The following CROCC2 variants were observed in gnomAD, a reference collection of about 807,000 sequenced individuals.
CROCC2 encodes the protein ciliary rootlet coiled-coil protein 2.
CROCC2 carries 163 observed loss-of-function variants against 177.6 expected under a neutral mutation model. That is an observed-to-expected ratio of 0.92 (90% confidence interval 0.81 to 1.05). CROCC2 has a LOEUF of 1.05. CROCC2 is among the 50% of genes least tolerant of loss of function. The pLI, the probability that CROCC2 is intolerant of heterozygous loss-of-function variation, is 0.00. For synonymous variants in CROCC2, 904 were observed against 787.3 expected (o/e 1.15, Z -2.48); for missense variants, 1,929 against 1,797.8 (o/e 1.07, Z -1.32).
chr2:240,943,736 T>TC (rs2059507006), intron 14 of CROCC2, among the ~76,000 whole-genome samples: 1 of 152,128 alleles, frequency 6.6e-6, no homozygotes, highest in African/African-American at 2.4e-5. Context: ...CACCTCGGCC[T>TC]CCCTAAGTGC....
chr2:240,941,462 GT>G (rs2059494188), intron 14 of CROCC2, among the ~76,000 whole-genome samples: 2 of 152,224 alleles, frequency 1.3e-5, no homozygotes, highest in South Asian at 4.1e-4. Flanking sequence ...AAACAGCATG[GT>G]ACTGGTATAA....
chr2:240,921,786 G>A (rs2059358830), intron 3 of CROCC2, among the ~76,000 whole-genome samples: 1 of 152,240 alleles, frequency 6.6e-6, no homozygotes, highest in Admixed American at 6.5e-5. Flanking sequence ...TGGCTGAGGA[G>A]GGGCCCCTTG....
intron 12 of CROCC2, 143 bp from the exon 13 acceptor site, chr2:240,934,773 C>A: frequency 1.1e-6 from 1 of 912,986 alleles, no homozygotes; most frequent in Non-Finnish European, 1.6e-6. Context: ...GAGACCTCCC[C>A]ACTGTGGCGA....
Position 240,934,919 on chromosome 2 carries a change from G to A in CROCC2, c.1795G>A (p.Glu599Lys), listed in dbSNP as rs969558974. 38 of 1,512,220 alleles carry A rather than the reference G, an allele frequency of 2.5e-5. No individual in the cohort carries two copies. The highest frequency in any genetic ancestry group is 1.3e-4 in the South Asian group (10 of 79,168). 93.7% of individuals were successfully genotyped at this position (1,512,220 alleles called of 1,614,324 possible). ...GGCATCCCCCTCCCTGCCCCAGGCC[G>A]AGTGCAGCAATGCGGACCTGGAGCT... ...EGLRSALARA[E>K]CSNADLELLV... The change falls in exon 13 of 32, where the codon GAG (glutamate) becomes AAG (lysine). Residue 599 changes from glutamate (E) to lysine (K), a missense_variant. By Grantham distance (56) the Glu-to-Lys change is moderately conservative. Coordinates refer to ENST00000690015, the MANE Select transcript of CROCC2 (RefSeq NM_001351305.2).
chr2:240,975,709 A>C (rs10933525), intron 27 of CROCC2, among the ~76,000 whole-genome samples: 1 of 145,300 alleles, frequency 6.9e-6, no homozygotes, highest in Non-Finnish European at 1.5e-5. Context: ...TCCAGCATCC[A>C]ACCAGCCTGC....
At position 240,932,802 on chromosome 2, in the gene CROCC2, C is replaced by T. The variant is rs1404796046; in HGVS notation, c.1145C>T (p.Ser382Phe). 1 of 1,496,118 alleles carries T rather than the reference C, an allele frequency of 6.7e-7. No individual in the cohort carries two copies. The highest frequency in any genetic ancestry group is 2.5e-5 in the East Asian group (1 of 40,640). The allele number at this position is 1,496,118 out of a possible 1,614,324, so 92.7% of individuals were successfully genotyped here. ...RPLRSPQRAT[S>F]PHQGASPPHI... ...CTGAGGAGCCCCCAACGTGCCACAT[C>T]CCCCCATCAAGGGGCGTCCCCACCA... Residue 382 changes from serine (S) to phenylalanine (F), a missense_variant, in exon 9 of 32, where the codon TCC (serine) becomes TTC (phenylalanine). Ser to Phe is a radical substitution (Grantham distance 155). Around this residue, in one of 3 missense-constraint regions of CROCC2, gnomAD observed 1,397 missense variants for 1,239.9 expected, o/e 1.13. Coordinates refer to ENST00000690015, the MANE Select transcript of CROCC2 (RefSeq NM_001351305.2).
rs527744774 is a variant in CROCC2 at position 240,949,982 on chromosome 2, G to A, written c.2652+280G>A. 6.6e-6 allele frequency among the ~76,000 whole-genome samples: 1 copy of A among 152,144 alleles called. No individual in the cohort carries two copies. Among genetic ancestry groups the A allele is most frequent in the Non-Finnish European group, 1.5e-5 (1 of 68,018 alleles). The stretch of plus-strand genomic sequence containing the variant: ...GCTGGTCTGGTGCAGTCTGAAGGAT[G>A]AGGGCTGGAGGGGGCCCCACACCCA... On this transcript the variant is annotated intron_variant, in intron 17 of 31. Coordinates refer to ENST00000690015, the MANE Select transcript of CROCC2 (RefSeq NM_001351305.2). The surrounding 1 kb of genome is among the most constrained non-coding windows in gnomAD (Gnocchi z 4.5).
chr2:240,934,830 G>T, intron 12 of CROCC2, 86 bp from the exon 13 acceptor site: 2 of 1,358,938 alleles, frequency 1.5e-6, no homozygotes, highest in Non-Finnish European at 1.9e-6. Context: ...ACACCTCCGT[G>T]GCTCAGGGCT....
At position 240,934,371 on chromosome 2, in the gene CROCC2, C is replaced by T; in HGVS notation, c.1687C>T (p.Leu563Phe). The T allele has an allele frequency of 3.2e-6, 5 of 1,548,822 alleles. No homozygotes were observed. Among genetic ancestry groups the T allele is most frequent in the Non-Finnish European group, 3.5e-6 (4 of 1,146,924 alleles). ...GCAGCTGGAGGAGAAGGTCTCCGGGCTCAGAGAGGAGCTGGCATCGGTCCG... is the reference window on the plus strand; with the variant it reads ...GCAGCTGGAGGAGAAGGTCTCCGGGTTCAGAGAGGAGCTGGCATCGGTCCG... ...LQQLEEKVSG[L>F]REELASVREA... The change falls in exon 12 of 32, where the codon CTC becomes TTC. Residue 563 changes from leucine (L) to phenylalanine (F), a missense_variant. This residue lies in a region of CROCC2 where 1,397 missense variants were observed against 1,239.9 expected (regional missense o/e 1.13). Coordinates refer to ENST00000690015, the MANE Select transcript of CROCC2 (RefSeq NM_001351305.2).
rs1226109574 is a variant in CROCC2, at chr2:240,949,681, G to A, written c.2631G>A (p.Leu877=). ...ESQALAHREA[L]AQLQREKETL... ...AGGCGTTGGCCCACCGAGAGGCCCTGGCACAGCTCCAAAGGGAGAAGGTCT... is the reference window on the plus strand; with the variant it reads ...AGGCGTTGGCCCACCGAGAGGCCCTAGCACAGCTCCAAAGGGAGAAGGTCT... The change falls in exon 17 of 32, where the codon CTG becomes CTA. Residue 877 remains leucine, a synonymous_variant. Transcript: ENST00000690015. This position sits in a 1 kb window ranked among gnomAD's most constrained non-coding sequence, Gnocchi z 4.5. 2 of 1,548,042 alleles carry A rather than the reference G, an allele frequency of 1.3e-6. No homozygotes were observed. Among genetic ancestry groups the A allele is most frequent in the Admixed American group, 2.0e-5 (1 of 50,898 alleles).
At chr2:240,907,843 G>GGGGTGAGCTCTACCTCCTCCACCTC in intron 1 of CROCC2, among the ~76,000 whole-genome samples, 4 of 90,280 alleles carry the variant, frequency 4.4e-5, no homozygotes, top group Admixed American at 1.1e-4. Flanking sequence ...TCCTCCACCT[G>GGGGTGAGCTCTACCTCCTCCACCTC]GGGTGAGCTC....
At chr2:240,934,771 C>T in intron 12 of CROCC2, 145 bp from the exon 13 acceptor site, 1 of 900,984 alleles carries the variant, frequency 1.1e-6, no homozygotes, top group Non-Finnish European at 1.6e-6. Flanking sequence ...CTGAGACCTC[C>T]CCACTGTGGC....
Position 240,968,225 on chromosome 2 carries a change from G to C in CROCC2, c.4364G>C (p.Ser1455Thr), listed in dbSNP as rs1418619394. 13 of 1,533,096 alleles carry C rather than the reference G, an allele frequency of 8.5e-6. No homozygotes were observed. The South Asian group carries it at 1.6e-4, about 18-fold the overall frequency. 95.0% of individuals were successfully genotyped at this position (1,533,096 alleles called of 1,614,324 possible). A position where few individuals can be genotyped will look rare whatever the true frequency, so the allele number is the denominator to read the frequency against. ...AGGCTGGAGTTGGAGCACCTGGCGA[G>C]CGTGCGTGCGGCAGGCCAGGAGAAG... ...LRRLELEHLA[S>T]VRAAGQEKRR... Residue 1455 changes from serine (S) to threonine (T), a missense_variant, in exon 27 of 32, where the codon AGC becomes ACC. Physicochemically the swap from Ser to Thr is moderately conservative, Grantham distance 58. Transcript: ENST00000690015.
intron 27 of CROCC2, among the ~76,000 whole-genome samples, chr2:240,971,361 T>C (rs187763929): frequency 1.2e-4 from 18 of 152,290 alleles, no homozygotes; most frequent in Admixed American, 6.5e-4. Context: ...CCGAGCAACA[T>C]GTTACCAGCT....
At chr2:240,930,892 G>T in intron 6 of CROCC2, 39 bp from the exon 7 acceptor site, 2 of 671,120 alleles carry the variant, frequency 3.0e-6, no homozygotes, top group Non-Finnish European at 2.8e-6. Flanking sequence ...TCTGCAGATG[G>T]GTCCTGAGTC....
rs747367687 is a variant in CROCC2 at position 240,920,119 on chromosome 2, T to C, written c.366T>C (p.Arg122=). 1 of 695,840 alleles carries C rather than the reference T, an allele frequency of 1.4e-6. No homozygotes were observed. The allele number at this position is 695,840 out of a possible 1,614,324, so 43.1% of individuals were successfully genotyped here. Residue 122 remains arginine, a synonymous_variant, in exon 3 of 32, where the codon CGT becomes CGC. Coordinates refer to ENST00000690015, the MANE Select transcript of CROCC2 (RefSeq NM_001351305.2). The part of the protein sequence containing the change: ...AERDELASRC[R]VVSEQLQARL... ...GAGATGAGCTGGCCAGCAGGTGCCG[T>C]GTGGTCAGCGAGCAGGTGCGTGTGT...
chr2:240,990,430 A>G (rs933619079), intron 30 of CROCC2, among the ~76,000 whole-genome samples: 2 of 152,164 alleles, frequency 1.3e-5, no homozygotes, highest in Non-Finnish European at 2.9e-5. Flanking sequence ...CTGTCTGTTC[A>G]TTTTACAGAT....
chr2:240,989,751 A>G lies in CROCC2; in HGVS notation c.4781A>G (p.His1594Arg). 1.9e-6 allele frequency: 3 copies of G among 1,550,306 alleles called. No homozygotes were observed. Among genetic ancestry groups the G allele is most frequent in the Non-Finnish European group, 2.6e-6 (3 of 1,146,866 alleles). ...CTGGCCACAGAGGCAGAGCGTCTCC[A>G]TGGGGCCCGGCCGCAGGCCACGCAG... Reference protein sequence around the residue: ...RDLATEAERLHGARPQATQAL... With the variant: ...RDLATEAERLRGARPQATQAL... The change falls in exon 30 of 32, where the codon CAT (histidine) becomes CGT (arginine). Residue 1594 changes from histidine to arginine, a missense_variant. Transcript: ENST00000690015.
chr2:240,932,530 G>A, intron 8 of CROCC2, 116 bp downstream of exon 8: 1 of 699,214 alleles, frequency 1.4e-6, no homozygotes, highest in Non-Finnish European at 2.7e-6. Flanking sequence ...GCAAGGTGGG[G>A]TCCCTGCAGT....
Sources: gnomAD v4.1 joint callset for allele counts (sites outside exome capture counted in the v4.1 genomes callset) on GRCh38, gnomAD v4.1.1 for gene constraint, gnomAD v4.1.1 regional missense constraint, Gnocchi (gnomAD v3.1) non-coding constraint, MANE v1.5 for transcripts, NCBI Gene and HGNC (gene_info 2026-07-23, HGNC 2026-07-21) for gene names.